MAP7D2: variants seen among roughly 807,000 people sequenced by gnomAD.
The protein encoded by MAP7D2 is MAP7 domain containing 2.
In MAP7D2, 33 loss-of-function variants were observed where a neutral mutation model predicts 63.5. That is an observed-to-expected ratio of 0.52 (90% CI 0.39 to 0.70). The LOEUF is 0.70. Ranked by LOEUF, MAP7D2 falls within the 30% of genes least tolerant of loss-of-function variation. MAP7D2 has a pLI of 0.00. For missense variants in MAP7D2, 626 were observed against 604.0 expected, an observed-to-expected ratio of 1.04 and a Z score of -0.38; for synonymous variants, 224 against 223.7, an observed-to-expected ratio of 1.00 and a Z score of -0.01.
At chrX:20,055,291 A>G (rs1164450225) in intron 4 of MAP7D2, among the ~76,000 whole-genome samples, 1 of 110,324 alleles carries the variant, frequency 9.1e-6, no homozygotes, top group African/African-American at 3.3e-5. Context: ...AATTCCTACC[A>G]CTCCCTCTCA....
intron 8 of MAP7D2, among the ~76,000 whole-genome samples, chrX:20,038,690 G>A (rs962517637): frequency 8.1e-5 from 9 of 111,295 alleles, no homozygotes; most frequent in African/African-American, 2.6e-4. Context: ...TGGCCTAGAG[G>A]TCTTAGTTCC....
intron 1 of MAP7D2, among the ~76,000 whole-genome samples, chrX:20,100,881 T>C: frequency 9.1e-6 from 1 of 110,332 alleles, no homozygotes; most frequent in Non-Finnish European, 1.9e-5. Context: ...ATTAGCTGGG[T>C]GTGGTGGTGA....
intron 1 of MAP7D2, among the ~76,000 whole-genome samples, chrX:20,108,727 A>AAC (rs1569156836): frequency 1.8e-5 from 2 of 110,235 alleles, no homozygotes; most frequent in African/African-American, 6.6e-5. Context: ...TTACAAAAAA[A>AAC]AAAAAACAAA....
At chrX:20,111,285 G>C (rs985044395) in intron 1 of MAP7D2, among the ~76,000 whole-genome samples, 3 of 111,793 alleles carry the variant, frequency 2.7e-5, no homozygotes, top group Non-Finnish European at 5.6e-5. Context: ...GGCCATTACT[G>C]TCTGGGAAGC....
intron 12 of MAP7D2, 21 bp from the exon 13 acceptor site, chrX:20,013,646 A>C (rs921694216): frequency 2.2e-5 from 25 of 1,115,562 alleles, no homozygotes; most frequent in Non-Finnish European, 2.9e-5. Flanking sequence ...AAAACAAAAA[A>C]CAAAATCAAG....
intron 1 of MAP7D2, among the ~76,000 whole-genome samples, chrX:20,110,662 CA>C (rs1282020261): frequency 0.056 from 1,844 of 33,036 alleles, 18 homozygotes; most frequent in Non-Finnish European, 0.068. Flanking sequence ...GACTCTGTCT[CA>C]AAAAAAAAAA....
chrX:20,012,147 G>A (rs1657834240), intron 15 of MAP7D2, among the ~76,000 whole-genome samples: 1 of 111,067 alleles, frequency 9.0e-6, no homozygotes, highest in Non-Finnish European at 1.9e-5. Context: ...CAAATCACAT[G>A]CCCTAGAAAC....
At chrX:20,063,754 C>T (rs929061026) in intron 2 of MAP7D2, among the ~76,000 whole-genome samples, 177 bp from the exon 3 acceptor site, 1 of 111,945 alleles carries the variant, frequency 8.9e-6, no homozygotes, top group Non-Finnish European at 1.9e-5. Context: ...TAACCCTAAG[C>T]ATGTTAGCTA....
At chrX:20,040,205 G>A (rs1436963246) in intron 8 of MAP7D2, among the ~76,000 whole-genome samples, 1 of 110,728 alleles carries the variant, frequency 9.0e-6, no homozygotes, top group East Asian at 2.8e-4. Flanking sequence ...TTTGGGACTC[G>A]GACTGGCTTC....
At chrX:20,058,085 T>C (rs1316210304) in intron 3 of MAP7D2, among the ~76,000 whole-genome samples, 2 of 112,413 alleles carry the variant, frequency 1.8e-5, no homozygotes, top group Non-Finnish European at 3.8e-5. Context: ...CTCTTAGATT[T>C]GTATTAGCTA....
At chrX:20,059,688 GAAGA>G (rs1314017416) in intron 3 of MAP7D2, among the ~76,000 whole-genome samples, 2 of 105,752 alleles carry the variant, frequency 1.9e-5, no homozygotes, top group Admixed American at 1.0e-4. Context: ...AGACAGGAAG[GAAGA>G]AAGGATAGAT....
At chrX:20,032,060 C>T (rs1219783680) in intron 8 of MAP7D2, among the ~76,000 whole-genome samples, 1 of 111,260 alleles carries the variant, frequency 9.0e-6, no homozygotes, top group Non-Finnish European at 1.9e-5. Flanking sequence ...CACATTAATA[C>T]AGGATAAAAG....
chrX:20,063,572 G>A lies in MAP7D2; in HGVS notation c.214C>T (p.Arg72Trp), dbSNP rs1265938993. 1 of 1,210,418 alleles carries A rather than the reference G, an allele frequency of 8.3e-7. No homozygotes were observed. Among genetic ancestry groups the A allele is most frequent in the Non-Finnish European group, 1.1e-6 (1 of 894,902 alleles). Reference protein sequence around the residue: ...REEREKCLAAREQQILEKQKR... With the variant: ...REEREKCLAAWEQQILEKQKR... ...TGTTTCTCCAGGATCTGTTGCTCCC[G>A]AGCAGCTGGGGAAGGAAAGTAGAAG... Residue 72 changes from arginine to tryptophan, a missense_variant, in exon 3 of 17, where the codon CGG becomes TGG. Arg to Trp is a moderately radical substitution (Grantham distance 101, BLOSUM62 -3). Coordinates refer to ENST00000379643, the MANE Select transcript of MAP7D2 (RefSeq NM_001168465.2).
intron 3 of MAP7D2, among the ~76,000 whole-genome samples, chrX:20,060,655 C>A (rs769046846): frequency 1.1e-4 from 12 of 110,931 alleles, no homozygotes; most frequent in Non-Finnish European, 1.9e-4. Flanking sequence ...GTTCTGGTAG[C>A]TTGGTTCCTG....
At chrX:20,087,809 A>C (rs1173938666) in intron 1 of MAP7D2, among the ~76,000 whole-genome samples, 7 of 110,133 alleles carry the variant, frequency 6.4e-5, no homozygotes, top group Non-Finnish European at 1.3e-4. Flanking sequence ...AAAACATGTC[A>C]CAAGTCAACT....
chrX:20,048,309 C>G (rs2064853676), intron 6 of MAP7D2, among the ~76,000 whole-genome samples: 1 of 111,750 alleles, frequency 8.9e-6, no homozygotes, highest in Non-Finnish European at 1.9e-5. Flanking sequence ...CACTGAGTCT[C>G]TAAAAAGCTT....
intron 13 of MAP7D2, 95 bp downstream of exon 13, chrX:20,013,474 T>C: frequency 1.2e-6 from 1 of 805,776 alleles, no homozygotes; most frequent in African/African-American, 2.1e-5. Flanking sequence ...TTTTTCTGGC[T>C]AATCGTCGCC....
At position 20,050,893 on chromosome X, in the gene MAP7D2, T is replaced by C. The variant is rs2064931524; in HGVS notation, c.649A>G (p.Thr217Ala). ...MEAILVSRLL[T>A]PTQSSLARSR... ...CTGGCTAAAGAAGACTGTGTGGGTG[T>C]CAACAGTCGCGAAACAAGAATGGCT... is the stretch of plus-strand genomic sequence containing the variant. Residue 217 changes from threonine to alanine, a missense_variant, in exon 6 of 17, where the codon ACA becomes GCA. Transcript: ENST00000379643. 8.5e-7 allele frequency: 1 copy of C among 1,179,181 alleles called. No individual in the cohort carries two copies. The highest frequency in any genetic ancestry group is 1.9e-5 in the South Asian group (1 of 53,235).
intron 16 of MAP7D2, among the ~76,000 whole-genome samples, chrX:20,010,403 G>A (rs1023089902): frequency 5.4e-5 from 6 of 111,748 alleles, no homozygotes; most frequent in African/African-American, 2.0e-4. Context: ...GGATGTCACT[G>A]AGCAAAACTA....
Sources: allele counts gnomAD v4.1 joint callset (sites outside exome capture counted in the v4.1 genomes callset), GRCh38; gene constraint gnomAD v4.1.1; transcripts MANE v1.5; gene names NCBI Gene and HGNC (gene_info 2026-07-23, HGNC 2026-07-21).